The following MAEA variants were observed in gnomAD, a reference collection of about 807,000 sequenced individuals.
MAEA encodes the protein macrophage erythroblast attacher, E3 ubiquitin ligase, also known as E3 ubiquitin-protein transferase MAEA.
In MAEA, 22 loss-of-function variants were observed where a neutral mutation model predicts 46.2. The ratio of observed to expected loss-of-function variants is 0.48; its 90% confidence interval spans 0.34 to 0.68. MAEA has a LOEUF of 0.68. Ranked by LOEUF, MAEA falls within the 30% of genes least tolerant of loss-of-function variation. MAEA has a pLI of 0.01. For missense variants in MAEA, 393 were observed against 558.1 expected (o/e 0.70, Z 2.98); for synonymous variants, 246 against 222.6 (o/e 1.11, Z -0.94).
At chr4:1,327,570 G>A in intron 4 of MAEA, 57 bp from the exon 5 acceptor site, 1 of 1,300,170 alleles carries the variant, frequency 7.7e-7, no homozygotes, top group Non-Finnish European at 1.1e-6. Context: ...GCGGCACCCG[G>A]GCACCTGGGC....
At chr4:1,292,121 C>T (rs1368327299) in intron 1 of MAEA, among the ~76,000 whole-genome samples, 1 of 152,156 alleles carries the variant, frequency 6.6e-6, no homozygotes, top group Non-Finnish European at 1.5e-5. Flanking sequence ...GGCTGCAGGA[C>T]CGGGGTTGTG....
rs148791346 is a variant in MAEA at position 1,321,086 on chromosome 4, C to T, written c.457-1295C>T. Among the ~76,000 whole-genome samples, 206 of 151,996 alleles carry T rather than the reference C, an allele frequency of 1.4e-3. 1 individual carries two copies. The highest frequency in any genetic ancestry group is 4.5e-3 in the African/African-American group (187 of 41,476). On this transcript the variant is annotated intron_variant, in intron 3 of 8. Transcript: ENST00000303400. The stretch of plus-strand genomic sequence containing the variant: ...CTGCACTCCAGCCTGGGCGGCAGAG[C>T]GAGACTCCGTCTCAAAAAAACAAAC...
rs1736547025 is a variant in MAEA at position 1,311,892 on chromosome 4, A to G, written c.70-87A>G. On this transcript the variant is annotated intron_variant, in intron 1 of 8. Coordinates refer to ENST00000303400, the MANE Select transcript of MAEA (RefSeq NM_001017405.3). This position sits in a 1 kb window ranked among gnomAD's most constrained non-coding sequence, Gnocchi z 4.4. ...TGAGACTTCTGCCTCTACAAGTGCC[A>G]TGAGGAGACCTGGTGTGTCCTGGGT... is the stretch of plus-strand genomic sequence containing the variant. 8.3e-7 allele frequency: 1 copy of G among 1,209,242 alleles called. No individual in the cohort carries two copies. The highest frequency in any genetic ancestry group is 1.2e-6 in the Non-Finnish European group (1 of 848,998). 74.9% of individuals were successfully genotyped at this position (1,209,242 alleles called of 1,614,324 possible).
chr4:1,300,095 A>G (rs1477630235), intron 1 of MAEA: 2 of 152,400 alleles, frequency 1.3e-5, no homozygotes, highest in African/African-American at 2.4e-5. Flanking sequence ...CACGAAACCC[A>G]GTCGCCACCC....
At chr4:1,316,390 G>A (rs548303763) in intron 3 of MAEA, among the ~76,000 whole-genome samples, 128 of 151,784 alleles carry the variant, frequency 8.4e-4, no homozygotes, top group Non-Finnish European at 1.5e-3. Context: ...CCTTGCCCCT[G>A]TCCAGATCCT....
At chr4:1,312,258 A>T in intron 2 of MAEA, 97 bp downstream of exon 2, 2 of 1,466,594 alleles carry the variant, frequency 1.4e-6, no homozygotes, top group Non-Finnish European at 1.9e-6. Context: ...AATGATGGGA[A>T]CGCGGGAGGT....
chr4:1,334,916 G>A lies in MAEA; in HGVS notation c.766-1945G>A, dbSNP rs1470678310. The A allele has an allele frequency of 3.0e-6, 3 of 985,246 alleles. No individual in the cohort carries two copies. In the East Asian group the frequency reaches 3.4e-4, roughly 112 times the overall value. The allele number at this position is 985,246 out of a possible 1,614,324, so 61.0% of individuals were successfully genotyped here. ...TTAGACAAAAATGAGATTTAAAACAGCCTTTAAAAATGTTGGAGTTAAGTG... is the reference window on the plus strand; with the variant it reads ...TTAGACAAAAATGAGATTTAAAACAACCTTTAAAAATGTTGGAGTTAAGTG... On this transcript the variant is annotated intron_variant, in intron 6 of 8. Transcript: ENST00000303400.
intron 3 of MAEA, 58 bp downstream of exon 3, chr4:1,315,658 C>A: frequency 6.4e-7 from 1 of 1,565,042 alleles, no homozygotes; most frequent in Admixed American, 1.7e-5. Flanking sequence ...CTATGGCCAG[C>A]CGCCCTGTGG....
At chr4:1,305,148 T>C (rs906325008) in intron 1 of MAEA, among the ~76,000 whole-genome samples, 4 of 152,174 alleles carry the variant, frequency 2.6e-5, no homozygotes, top group Non-Finnish European at 5.9e-5. Context: ...GGTGGATCGT[T>C]AAGGTTTTCT....
At position 1,339,566 on chromosome 4, in the gene MAEA, C is replaced by T. The variant is rs1409435278; in HGVS notation, c.*397C>T. 4.4e-6 allele frequency: 1 copy of T among 226,092 alleles called. No individual in the cohort carries two copies. Among genetic ancestry groups the T allele is most frequent in the African/African-American group, 2.3e-5 (1 of 42,752 alleles). 14.0% of individuals were successfully genotyped at this position (226,092 alleles called of 1,614,324 possible). A position where few individuals can be genotyped will look rare whatever the true frequency, so the allele number is the denominator to read the frequency against. ...CTTGGAGAACGGGCTGGTCCTTCAC[C>T]ACTTCCTGTTGGCCCTGGCCTGGCC... On this transcript the variant is annotated 3_prime_UTR_variant, in exon 9 of 9. Transcript: ENST00000303400.
rs115054515 is a variant in MAEA, at chr4:1,300,719, A to G, written c.69+10737A>G. ...AAGTGGCTGGCTAAGGCTGGGCCTA[A>G]CTGGGCGTGCACACAACAGGGAGCG... is the stretch of plus-strand genomic sequence containing the variant. On this transcript the variant is annotated intron_variant, in intron 1 of 8. Coordinates refer to ENST00000303400, the MANE Select transcript of MAEA (RefSeq NM_001017405.3). 5.6e-3 allele frequency among the ~76,000 whole-genome samples: 859 copies of G among 152,376 alleles called. 5 individuals are homozygous for G. Among genetic ancestry groups the G allele is most frequent in the African/African-American group, 0.019 (798 of 41,590 alleles).
chr4:1,330,109 G>T (rs116533559), intron 5 of MAEA: 63 of 985,292 alleles, frequency 6.4e-5, no homozygotes, highest in Non-Finnish European at 7.2e-5. Context: ...GGGTTTTTGC[G>T]AAATGCAAAA....
chr4:1,298,051 G>C (rs1371917380), intron 1 of MAEA: 1 of 456,260 alleles, frequency 2.2e-6, no homozygotes, highest in Non-Finnish European at 4.4e-6. Flanking sequence ...GCCTGGAGTG[G>C]GTGTCGAGTA....
Position 1,322,437 on chromosome 4 carries a change from G to A in MAEA, c.513G>A (p.Glu171=). The change falls in exon 4 of 9, where the codon GAG becomes GAA. Residue 171 remains glutamate, a synonymous_variant. Transcript: ENST00000303400. The part of the protein sequence containing the change: ...LTAKEVEESL[E]RRETATCLAW... Reference sequence around the variant, plus strand: ...CCAAAGAGGTGGAGGAGTCCCTGGAGAGGCGTGAGACGGCCACCTGCCTGG... The same window carrying A: ...CCAAAGAGGTGGAGGAGTCCCTGGAAAGGCGTGAGACGGCCACCTGCCTGG... 1.9e-6 allele frequency: 3 copies of A among 1,614,104 alleles called. No homozygotes were observed. The highest frequency in any genetic ancestry group is 2.7e-5 in the African/African-American group (2 of 75,064).
At chr4:1,323,257 T>C (rs895995924) in intron 4 of MAEA, among the ~76,000 whole-genome samples, 1 of 152,132 alleles carries the variant, frequency 6.6e-6, no homozygotes, top group African/African-American at 2.4e-5. Context: ...GTACCGACTT[T>C]TGTAGAGACC....
chr4:1,305,322 T>G (rs556552092), intron 1 of MAEA, among the ~76,000 whole-genome samples: 2 of 152,258 alleles, frequency 1.3e-5, no homozygotes, highest in South Asian at 4.1e-4. Context: ...GAGGGTGCCT[T>G]GTGAGTGGAG....
intron 1 of MAEA, among the ~76,000 whole-genome samples, chr4:1,307,881 C>G (rs1735986942): frequency 6.6e-6 from 1 of 152,138 alleles, no homozygotes; most frequent in African/African-American, 2.4e-5. Context: ...CATCTTCCCA[C>G]TCACCCACCA....
intron 1 of MAEA, among the ~76,000 whole-genome samples, chr4:1,308,784 C>T (rs913871539): frequency 4.6e-5 from 7 of 152,310 alleles, no homozygotes; most frequent in African/African-American, 1.7e-4. Flanking sequence ...GAGTTGTAGG[C>T]GTTTTTAAAA....
chr4:1,319,077 C>T (rs547145320), intron 3 of MAEA, among the ~76,000 whole-genome samples: 6 of 152,308 alleles, frequency 3.9e-5, no homozygotes, highest in African/African-American at 7.2e-5. Context: ...TTAGGCTGGA[C>T]GCAGGGCTCT....
Sources: allele counts gnomAD v4.1 joint callset (sites outside exome capture counted in the v4.1 genomes callset), GRCh38; gene constraint gnomAD v4.1.1; non-coding constraint Gnocchi (gnomAD v3.1); transcripts MANE v1.5; gene names NCBI Gene and HGNC (gene_info 2026-07-23, HGNC 2026-07-21).